PLD1: variants seen among roughly 807,000 people sequenced by gnomAD.
PLD1 encodes the protein choline phosphatase 1.
Under a neutral mutation model 137.1 loss-of-function variants are expected in PLD1, and 112 were observed. The ratio of observed to expected loss-of-function variants is 0.82; its 90% CI spans 0.70 to 0.96. The LOEUF (loss-of-function observed/expected upper bound fraction) is 0.96, where lower values mean the gene tolerates loss of function less well. PLD1 is among the 40% of genes least tolerant of loss of function. The pLI, the probability that PLD1 is intolerant of heterozygous loss-of-function variation, is 0.00. For synonymous variants in PLD1, 431 were observed against 454.7 expected (o/e 0.95, Z 0.66); for missense variants, 1,321 against 1,342.0 (o/e 0.98, Z 0.24).
intron 1 of PLD1, chr3:171,789,747 C>T (rs1379364231): frequency 4.6e-5 from 7 of 152,212 alleles, no homozygotes. Context: ...AAACAAAATG[C>T]ATTAATACCA....
intron 1 of PLD1, among the ~76,000 whole-genome samples, chr3:171,761,953 T>A (rs1375244198): frequency 6.6e-6 from 1 of 152,192 alleles, no homozygotes; most frequent in Non-Finnish European, 1.5e-5. Flanking sequence ...ACTGCAAAGG[T>A]CTCAGATTAA....
intron 22 of PLD1, 134 bp from the exon 23 acceptor site, chr3:171,643,023 T>C: frequency 1.7e-6 from 1 of 602,108 alleles, no homozygotes; most frequent in Non-Finnish European, 2.9e-6. Context: ...CATATATATC[T>C]AAATGCTAAA....
intron 23 of PLD1, among the ~76,000 whole-genome samples, chr3:171,632,110 C>T (rs979504189): frequency 6.6e-6 from 1 of 152,124 alleles, no homozygotes; most frequent in South Asian, 2.1e-4. Flanking sequence ...TGCTATGTTA[C>T]CGTAAGAACA....
At chr3:171,776,246 T>G (rs112030811) in intron 1 of PLD1, among the ~76,000 whole-genome samples, 1,710 of 152,250 alleles carry the variant, frequency 0.011, 17 homozygotes, top group Admixed American at 0.018. Flanking sequence ...TCTATGGAGC[T>G]GTAGTCATGG....
rs935406749 is a variant in PLD1 at position 171,800,135 on chromosome 3, C to T, written c.-32+10264G>A. 3.9e-5 allele frequency among the ~76,000 whole-genome samples: 6 copies of T among 152,330 alleles called. No homozygotes were observed. In the East Asian group the frequency reaches 1.2e-3, roughly 29 times the overall value. ...TGTTAATAATAGAGGAAACTGTGTA[C>T]TCCTTTGAAACTCGCTATAATAGCA... On this transcript the variant is annotated intron_variant, in intron 1 of 26. Coordinates refer to ENST00000351298, the MANE Select transcript of PLD1 (RefSeq NM_002662.5).
In PLD1 at chr3:171,738,072, A is replaced by C; in HGVS notation, c.-21T>G. ...GACATGTTAACTTTGGACAGAGTAA[A>C]AGCAAAGGGGCTAGGAAAGAAGAAA... On this transcript the variant is annotated 5_prime_UTR_variant, in exon 2 of 27. Coordinates refer to ENST00000351298, the MANE Select transcript of PLD1 (RefSeq NM_002662.5). The C allele has an allele frequency of 6.3e-7, 1 of 1,598,710 alleles. No individual in the cohort carries two copies. Among genetic ancestry groups the C allele is most frequent in the Non-Finnish European group, 8.5e-7 (1 of 1,171,134 alleles).
chr3:171,678,501 T>C (rs1201415803), intron 16 of PLD1, among the ~76,000 whole-genome samples: 1 of 151,724 alleles, frequency 6.6e-6, no homozygotes, highest in Non-Finnish European at 1.5e-5. Context: ...ACAAAGACAA[T>C]GAAGTAAAAA....
At chr3:171,767,895 A>G (rs1722081846) in intron 1 of PLD1, among the ~76,000 whole-genome samples, 1 of 152,078 alleles carries the variant, frequency 6.6e-6, no homozygotes. Context: ...GTGAGCAGTG[A>G]TCGTGCCACT....
chr3:171,660,565 T>C (rs908874263), intron 20 of PLD1, among the ~76,000 whole-genome samples: 6 of 152,180 alleles, frequency 3.9e-5, no homozygotes, highest in Non-Finnish European at 7.4e-5. Context: ...CATTTAATAC[T>C]ACTGTCACAT....
At chr3:171,682,504 G>C (rs1043080969) in intron 16 of PLD1, among the ~76,000 whole-genome samples, 1 of 152,214 alleles carries the variant, frequency 6.6e-6, no homozygotes, top group Non-Finnish European at 1.5e-5. Context: ...GGAAAAGGAA[G>C]TCATTAACTC....
At chr3:171,641,813 T>G (rs1336178195) in intron 23 of PLD1, among the ~76,000 whole-genome samples, 3 of 152,158 alleles carry the variant, frequency 2.0e-5, no homozygotes, top group Non-Finnish European at 4.4e-5. Flanking sequence ...TTACCAACAG[T>G]AAATGAATCT....
At chr3:171,719,862 T>C (rs1305060667) in intron 8 of PLD1, among the ~76,000 whole-genome samples, 1 of 152,186 alleles carries the variant, frequency 6.6e-6, no homozygotes, top group Non-Finnish European at 1.5e-5. Context: ...GAAAATTCAA[T>C]TTCCTTGTTT....
chr3:171,734,830 T>G (rs779009612), intron 5 of PLD1, 35 bp downstream of exon 5: 4 of 1,343,494 alleles, frequency 3.0e-6, no homozygotes, highest in South Asian at 1.2e-5. Context: ...ACTGCAAAAT[T>G]AGGTTTAAAA....
intron 20 of PLD1, 54 bp from the exon 21 acceptor site, chr3:171,659,355 CG>C: frequency 9.1e-7 from 1 of 1,095,922 alleles, no homozygotes; most frequent in Non-Finnish European, 1.4e-6. Flanking sequence ...TAGCAATATA[CG>C]TAAGAACAAT....
At chr3:171,722,450 C>T (rs1157070782) in intron 8 of PLD1, among the ~76,000 whole-genome samples, 3 of 152,198 alleles carry the variant, frequency 2.0e-5, no homozygotes, top group Non-Finnish European at 2.9e-5. Context: ...CAAAAATAAA[C>T]CCCATACCAG....
chr3:171,725,753 A>G (rs1197979150), intron 7 of PLD1, among the ~76,000 whole-genome samples: 3 of 152,242 alleles, frequency 2.0e-5, no homozygotes, highest in Non-Finnish European at 4.4e-5. Context: ...CAGACTTGCT[A>G]TAGGTATTGA....
chr3:171,757,757 CT>C (rs1721127169), intron 1 of PLD1, among the ~76,000 whole-genome samples: 1 of 152,202 alleles, frequency 6.6e-6, no homozygotes, highest in Non-Finnish European at 1.5e-5. Flanking sequence ...AAAACCTGCC[CT>C]TTGATTTCCA....
chr3:171,659,744 G>A (rs1737512258), intron 20 of PLD1, among the ~76,000 whole-genome samples: 1 of 152,064 alleles, frequency 6.6e-6, no homozygotes, highest in Non-Finnish European at 1.5e-5. Context: ...GTAAAGCCTG[G>A]TCTAGTTTTC....
At chr3:171,759,849 T>G (rs1205217397) in intron 1 of PLD1, among the ~76,000 whole-genome samples, 1 of 152,238 alleles carries the variant, frequency 6.6e-6, no homozygotes, top group Non-Finnish European at 1.5e-5. Flanking sequence ...CTGTTTTACT[T>G]CTTTTCTTAA....
Sources: allele counts gnomAD v4.1 joint callset (sites outside exome capture counted in the v4.1 genomes callset), GRCh38; gene constraint gnomAD v4.1.1; transcripts MANE v1.5; gene names NCBI Gene and HGNC (gene_info 2026-07-23, HGNC 2026-07-21).